ST6GAL2: variants seen among roughly 807,000 people sequenced by gnomAD.
ST6GAL2 encodes the protein beta-galactoside alpha-2,6-sialyltransferase 2.
Under a neutral mutation model 37.5 loss-of-function variants are expected in ST6GAL2, and 24 were observed. The ratio of observed to expected loss-of-function variants is 0.64; its 90% CI spans 0.46 to 0.90. ST6GAL2 has a LOEUF of 0.90. Ranked by LOEUF, ST6GAL2 falls within the 40% of genes least tolerant of loss-of-function variation. The probability of loss-of-function intolerance (pLI) is 0.00; values close to 1 mark genes in which losing one functional copy is unlikely to be tolerated. For synonymous variants in ST6GAL2, 306 were observed against 295.1 expected (o/e 1.04, Z -0.38); for missense variants, 715 against 712.7 (o/e 1.00, Z -0.04).
rs1676988487 is a variant in ST6GAL2 at position 106,843,337 on chromosome 2, G to A, written c.641C>T (p.Ser214Phe). The A allele has an allele frequency of 1.9e-6, 3 of 1,614,080 alleles. No homozygotes were observed. Among genetic ancestry groups the A allele is most frequent in the Non-Finnish European group, 2.5e-6 (3 of 1,180,012 alleles). ...LYRLWKGNVSSKMLNPRLQKA... is the reference protein window; with the variant it reads ...LYRLWKGNVSFKMLNPRLQKA... ...CTGCAGGCGCGGGTTCAGCATTTTGGAAGAGACGTTCCCCTTCCAGAGCCG... is the reference window on the plus strand; with the variant it reads ...CTGCAGGCGCGGGTTCAGCATTTTGAAAGAGACGTTCCCCTTCCAGAGCCG... The change falls in exon 2 of 6, where the codon TCC becomes TTC. Residue 214 changes from serine (S) to phenylalanine (F), a missense_variant. Transcript: ENST00000409382.
chr2:106,812,504 C>T (rs1307356025), intron 5 of ST6GAL2, among the ~76,000 whole-genome samples: 1 of 152,120 alleles, frequency 6.6e-6, no homozygotes, highest in African/African-American at 2.4e-5. Context: ...CAGCATAAAC[C>T]ACATTTCTTG....
In ST6GAL2 at chr2:106,836,809, TG is replaced by T. The variant is rs1410637859; in HGVS notation, c.944-2664del. Among the ~76,000 whole-genome samples the T allele has an allele frequency of 2.2e-5, 3 of 139,472 alleles. No homozygotes were observed. In the East Asian group the frequency reaches 6.2e-4, roughly 29 times the overall value. The allele number at this position is 139,472 out of a possible 152,430, so 91.5% of individuals were successfully genotyped here. A position where few individuals can be genotyped will look rare whatever the true frequency, so the allele number is the denominator to read the frequency against. On this transcript the variant is annotated intron_variant, in intron 2 of 5. Coordinates refer to ENST00000409382, the MANE Select transcript of ST6GAL2 (RefSeq NM_001142351.2). ...AAAAAAAAAAAAAATTAGCTGGGCGTGGTGGTGCATGCCTGTAATCCCAGCT... is the reference window on the plus strand; with the variant it reads ...AAAAAAAAAAAAAATTAGCTGGGCGTGTGGTGCATGCCTGTAATCCCAGCT...
intron 1 of ST6GAL2, among the ~76,000 whole-genome samples, chr2:106,849,418 C>T (rs149880833): frequency 6.6e-5 from 10 of 152,164 alleles, no homozygotes; most frequent in East Asian, 1.9e-4. Flanking sequence ...CTCTTTGTGG[C>T]GATAAGATGC....
intron 1 of ST6GAL2, among the ~76,000 whole-genome samples, chr2:106,856,536 T>C (rs1414176887): frequency 6.6e-6 from 1 of 152,216 alleles, no homozygotes; most frequent in Non-Finnish European, 1.5e-5. Flanking sequence ...ACCCTTGAGA[T>C]TTTACCCTCC....
chr2:106,884,934 T>TACACACACAC (rs1553430008), intron 1 of ST6GAL2, among the ~76,000 whole-genome samples: 1 of 120,470 alleles, frequency 8.3e-6, no homozygotes, highest in African/African-American at 3.6e-5. Context: ...TATATATATA[T>TACACACACAC]ACATACACAC....
intron 1 of ST6GAL2, among the ~76,000 whole-genome samples, chr2:106,881,574 T>C (rs1199990841): frequency 1.3e-5 from 2 of 152,226 alleles, no homozygotes; most frequent in Non-Finnish European, 1.5e-5. Context: ...TACATTTTAC[T>C]TCTGAATAAT....
At chr2:106,847,346 G>A (rs1481027791) in intron 1 of ST6GAL2, among the ~76,000 whole-genome samples, 18 of 152,226 alleles carry the variant, frequency 1.2e-4, no homozygotes, top group Admixed American at 1.2e-3. Context: ...GCTTTGAGCT[G>A]TAATGACCAA....
intron 1 of ST6GAL2, among the ~76,000 whole-genome samples, chr2:106,858,392 T>C (rs1677665591): frequency 6.6e-6 from 1 of 152,154 alleles, no homozygotes; most frequent in South Asian, 2.1e-4. Context: ...CATTCCCTTT[T>C]ACCCTACAAC....
intron 5 of ST6GAL2, among the ~76,000 whole-genome samples, chr2:106,822,688 T>A (rs1676048958): frequency 1.3e-5 from 2 of 152,088 alleles, no homozygotes; most frequent in Non-Finnish European, 2.9e-5. Context: ...TTCAATAGAA[T>A]GACCCAGAGT....
intron 4 of ST6GAL2, among the ~76,000 whole-genome samples, chr2:106,830,839 AG>A (rs914459028): frequency 1.3e-5 from 2 of 152,186 alleles, no homozygotes; most frequent in Non-Finnish European, 2.9e-5. Flanking sequence ...GGAACTTTCT[AG>A]GGTGATGGAA....
intron 1 of ST6GAL2, among the ~76,000 whole-genome samples, chr2:106,876,613 G>A (rs184440428): frequency 1.3e-5 from 2 of 152,330 alleles, no homozygotes; most frequent in Admixed American, 6.5e-5. Flanking sequence ...ACAGTGACCA[G>A]AAGAGGGCAT....
In ST6GAL2 at chr2:106,806,542, G is replaced by T; in HGVS notation, c.*136C>A. 2.1e-6 allele frequency: 2 copies of T among 968,340 alleles called. No homozygotes were observed. The highest frequency in any genetic ancestry group is 3.1e-6 in the Non-Finnish European group (2 of 650,450). The allele number at this position is 968,340 out of a possible 1,614,324, so 60.0% of individuals were successfully genotyped here. ...ATACTCAATGGCTTAGAAAGAGAAG[G>T]ATTATCATGACCACCACTAAATTAC... On this transcript the variant is annotated 3_prime_UTR_variant, in exon 6 of 6. Transcript: ENST00000409382.
At chr2:106,884,934 T>TATATATATATACACACAC (rs1425070594) in intron 1 of ST6GAL2, among the ~76,000 whole-genome samples, 11 of 120,456 alleles carry the variant, frequency 9.1e-5, no homozygotes, top group Admixed American at 3.2e-4. Flanking sequence ...TATATATATA[T>TATATATATATACACACAC]ACATACACAC....
At chr2:106,809,807 T>TCAA (rs1184440083) in intron 5 of ST6GAL2, among the ~76,000 whole-genome samples, 1 of 152,174 alleles carries the variant, frequency 6.6e-6, no homozygotes, top group Non-Finnish European at 1.5e-5. Context: ...AGAAAAATGA[T>TCAA]CAACTATTTG....
intron 1 of ST6GAL2, among the ~76,000 whole-genome samples, chr2:106,881,012 G>GTC (rs1219604009): frequency 4.6e-5 from 7 of 151,984 alleles, no homozygotes; most frequent in African/African-American, 1.7e-4. Context: ...CTGAGATAGG[G>GTC]TCTCACTCTG....
intron 2 of ST6GAL2, among the ~76,000 whole-genome samples, chr2:106,839,258 C>T (rs1676776072): frequency 6.6e-6 from 1 of 152,072 alleles, no homozygotes; most frequent in Non-Finnish European, 1.5e-5. Context: ...GCACAACATG[C>T]TGTTTCTCAC....
intron 1 of ST6GAL2, among the ~76,000 whole-genome samples, chr2:106,853,152 C>T (rs1677439421): frequency 6.6e-6 from 1 of 151,896 alleles, no homozygotes. Flanking sequence ...AATTTCACTC[C>T]AGCTCCCTAC....
rs967435735 is a variant in ST6GAL2 at position 106,806,478 on chromosome 2, T to G, written c.*200A>C. The G allele has an allele frequency of 4.8e-6, 3 of 619,782 alleles. No homozygotes were observed. 38.4% of individuals were successfully genotyped at this position (619,782 alleles called of 1,614,324 possible). A position where few individuals can be genotyped will look rare whatever the true frequency, so the allele number is the denominator to read the frequency against. On this transcript the variant is annotated 3_prime_UTR_variant, in exon 6 of 6. Coordinates refer to ENST00000409382, the MANE Select transcript of ST6GAL2 (RefSeq NM_001142351.2). The stretch of plus-strand genomic sequence containing the variant: ...TTTTGCATCTTTCTTGAGCCTTATT[T>G]TTTTAAAAAAACCATTTCTATGTTC...
chr2:106,861,216 A>C (rs1677783764), intron 1 of ST6GAL2, among the ~76,000 whole-genome samples: 1 of 152,218 alleles, frequency 6.6e-6, no homozygotes, highest in South Asian at 2.1e-4. Context: ...AGAATCACAA[A>C]GCCTGAGGAA....
Sources: allele counts gnomAD v4.1 joint callset (sites outside exome capture counted in the v4.1 genomes callset), GRCh38; gene constraint gnomAD v4.1.1; transcripts MANE v1.5; gene names NCBI Gene and HGNC (gene_info 2026-07-23, HGNC 2026-07-21).